The following PCNX1 variants were observed in gnomAD, a reference collection of about 807,000 sequenced individuals.
PCNX1 encodes pecanex-like protein 1.
PCNX1 carries 78 observed loss-of-function variants against 242.2 expected under a neutral mutation model. That is an observed-to-expected ratio of 0.32 (90% CI 0.27 to 0.39). PCNX1 has a LOEUF of 0.39. PCNX1 is among the 10% of genes least tolerant of loss of function. PCNX1 has a pLI of 1.00. For missense variants in PCNX1, 2,581 were observed against 2,856.5 expected (o/e 0.90, Z 2.20); for synonymous variants, 1,024 against 1,032.9 (o/e 0.99, Z 0.17).
At chr14:71,062,242 A>G (rs2061343285) in intron 26 of PCNX1, among the ~76,000 whole-genome samples, 1 of 152,146 alleles carries the variant, frequency 6.6e-6, no homozygotes. Flanking sequence ...AGGAGATGGC[A>G]GCTCCATGTG....
intron 6 of PCNX1, among the ~76,000 whole-genome samples, chr14:70,979,056 A>C (rs939489548): frequency 4.6e-5 from 7 of 152,190 alleles, no homozygotes; most frequent in African/African-American, 7.2e-5. Context: ...GAACTTTCAA[A>C]ATTAGATCAC....
chr14:70,917,857 C>G (rs1566564458), intron 1 of PCNX1, among the ~76,000 whole-genome samples: 1 of 152,216 alleles, frequency 6.6e-6, no homozygotes, highest in Non-Finnish European at 1.5e-5. Context: ...GTTTTATCTA[C>G]ACCAAAAATC....
At chr14:71,074,924 A>G (rs1350913178) in intron 27 of PCNX1, among the ~76,000 whole-genome samples, 3 of 151,938 alleles carry the variant, frequency 2.0e-5, no homozygotes, top group Non-Finnish European at 4.4e-5. Context: ...ATTTTTAAGA[A>G]GGAAATGTGT....
In PCNX1 at chr14:70,995,749, A is replaced by G; in HGVS notation, c.2453A>G (p.Asp818Gly). 1 of 1,613,780 alleles carries G rather than the reference A, an allele frequency of 6.2e-7. No homozygotes were observed. Among genetic ancestry groups the G allele is most frequent in the Non-Finnish European group, 8.5e-7 (1 of 1,179,882 alleles). ...LLIGSPLSLQ[D>G]GQQGQQSTAQ... Reference sequence around the variant, plus strand: ...TCCATGTTTTTTCCTAGCCTTCAAGATGGTCAGCAAGGCCAGCAGTCCACA... The same window carrying G: ...TCCATGTTTTTTCCTAGCCTTCAAGGTGGTCAGCAAGGCCAGCAGTCCACA... The change falls in exon 8 of 36, where the codon GAT becomes GGT. Residue 818 changes from aspartate to glycine, a missense_variant. By Grantham distance (94) the Asp-to-Gly change is moderately conservative. Transcript: ENST00000304743.
In PCNX1 at chr14:70,907,762, A is replaced by G. The variant is rs1594853531; in HGVS notation, c.-89A>G. Reference sequence around the variant, plus strand: ...AGCTCCGGAGGTGGATAGACGGGGCAGCTGCAGGCTCCGGCGACCGAGGCC... The same window carrying G: ...AGCTCCGGAGGTGGATAGACGGGGCGGCTGCAGGCTCCGGCGACCGAGGCC... On this transcript the variant is annotated 5_prime_UTR_variant, in exon 1 of 36. Transcript: ENST00000304743. 8.5e-7 allele frequency: 1 copy of G among 1,175,352 alleles called. No individual in the cohort carries two copies. Among genetic ancestry groups the G allele is most frequent in the East Asian group, 4.0e-5 (1 of 25,056 alleles). The allele number at this position is 1,175,352 out of a possible 1,614,324, so 72.8% of individuals were successfully genotyped here.
rs33967128 is a variant in PCNX1, at chr14:70,953,664, CTTTTTTT to C, written c.362+6554_362+6560del. On this transcript the variant is annotated intron_variant, in intron 2 of 35. Coordinates refer to ENST00000304743, the MANE Select transcript of PCNX1 (RefSeq NM_014982.3). ...TTTTGTTTTTTGTGTTTTTTTCTTTCTTTTTTTTTTTTTTTTTTTAATGAATTGGAGT... is the reference window on the plus strand; with the variant it reads ...TTTTGTTTTTTGTGTTTTTTTCTTTCTTTTTTTTTTTTAATGAATTGGAGT... Among the ~76,000 whole-genome samples, 9 of 114,930 alleles carry C rather than the reference CTTTTTTT, an allele frequency of 7.8e-5. 1 individual carries two copies. The South Asian group carries it at 1.8e-3, about 23-fold the overall frequency. 75.4% of individuals were successfully genotyped at this position (114,930 alleles called of 152,430 possible).
In PCNX1 at chr14:71,057,636, T is replaced by C. The variant is rs144817825; in HGVS notation, c.4764T>C (p.Leu1588=). 5.6e-6 allele frequency: 9 copies of C among 1,613,858 alleles called. No individual in the cohort carries two copies. The African/African-American group carries it at 9.3e-5, about 17-fold the overall frequency. Residue 1588 remains leucine (L), a synonymous_variant, in exon 26 of 36, where the codon CTT becomes CTC. Coordinates refer to ENST00000304743, the MANE Select transcript of PCNX1 (RefSeq NM_014982.3). ...GNYSTGDCFI[L]ASDYLNALVH... ...ACAGTACAGGGGACTGTTTCATCCT[T>C]GCCTCTGACTATCTCAATGCATTAG...
intron 6 of PCNX1, among the ~76,000 whole-genome samples, chr14:70,986,564 T>G (rs773975949): frequency 1.3e-5 from 2 of 152,238 alleles, no homozygotes; most frequent in Non-Finnish European, 2.9e-5. Context: ...TTAACACCAT[T>G]AAGTCTTCAG....
intron 1 of PCNX1, among the ~76,000 whole-genome samples, chr14:70,930,764 G>A (rs10149157): frequency 1.6e-3 from 248 of 152,074 alleles, no homozygotes; most frequent in African/African-American, 5.7e-3. Context: ...AGTTAGCTCA[G>A]TAGAATATTA....
intron 1 of PCNX1, among the ~76,000 whole-genome samples, chr14:70,931,166 A>G (rs1247287952): frequency 1.3e-5 from 2 of 152,144 alleles, no homozygotes; most frequent in Non-Finnish European, 2.9e-5. Context: ...TGAATTGCAA[A>G]CACTGCAGGA....
chr14:70,950,445 G>T (rs755179505), intron 2 of PCNX1, among the ~76,000 whole-genome samples: 1 of 152,006 alleles, frequency 6.6e-6, no homozygotes, highest in Admixed American at 6.5e-5. Flanking sequence ...TTAAATATTA[G>T]ATAACTGTGA....
At chr14:70,982,449 C>T (rs751816328) in intron 6 of PCNX1, among the ~76,000 whole-genome samples, 3 of 152,130 alleles carry the variant, frequency 2.0e-5, no homozygotes, top group South Asian at 2.1e-4. Flanking sequence ...CAGGGACAGA[C>T]TATCATTTTA....
intron 3 of PCNX1, 150 bp downstream of exon 3, chr14:70,962,481 C>G (rs2058251485): frequency 2.0e-5 from 11 of 553,180 alleles, no homozygotes. Context: ...TATTAATATT[C>G]TTTTTAAGTT....
chr14:70,986,933 T>A (rs2059018540), intron 6 of PCNX1, among the ~76,000 whole-genome samples: 1 of 152,236 alleles, frequency 6.6e-6, no homozygotes. Flanking sequence ...AGTTTTAAAA[T>A]AGTGATTTAA....
intron 31 of PCNX1, among the ~76,000 whole-genome samples, chr14:71,103,126 T>G (rs1431895680): frequency 6.6e-6 from 1 of 152,244 alleles, no homozygotes; most frequent in South Asian, 2.1e-4. Context: ...CTTTGCCAAG[T>G]TAAAAAACTA....
chr14:71,048,135 C>T (rs1167718779), intron 22 of PCNX1, 151 bp downstream of exon 22: 1 of 494,462 alleles, frequency 2.0e-6, no homozygotes, highest in East Asian at 3.0e-5. Flanking sequence ...ATTAGAATCC[C>T]TAAACAAAGA....
intron 1 of PCNX1, among the ~76,000 whole-genome samples, chr14:70,919,650 T>C (rs532536745): frequency 1.4e-5 from 2 of 140,038 alleles, no homozygotes; most frequent in South Asian, 4.6e-4. Context: ...AGATGAACTT[T>C]ACTAAATACT....
At chr14:71,106,470 TTAAAAA>T (rs1344977951) in intron 33 of PCNX1, among the ~76,000 whole-genome samples, 15 of 152,168 alleles carry the variant, frequency 9.9e-5, no homozygotes, top group Non-Finnish European at 1.3e-4. Context: ...GTTAGAGACT[TTAAAAA>T]TGAAATCACT....
chr14:71,084,157 G>T (rs56306703), intron 28 of PCNX1, among the ~76,000 whole-genome samples: 44,900 of 152,052 alleles, frequency 0.3, 6,631 homozygotes, highest in Middle Eastern at 0.4. Flanking sequence ...GACCTTGTTT[G>T]CCTGGGTATC....
Sources: allele counts gnomAD v4.1 joint callset (sites outside exome capture counted in the v4.1 genomes callset), GRCh38; gene constraint gnomAD v4.1.1; transcripts MANE v1.5; gene names NCBI Gene and HGNC (gene_info 2026-07-23, HGNC 2026-07-21).